The following ABCD2 variants were observed in gnomAD, a reference collection of about 807,000 sequenced individuals.
ABCD2 encodes ATP binding cassette subfamily D member 2.
ABCD2 carries 36 observed loss-of-function variants against 70.9 expected under a neutral mutation model. That is an observed-to-expected ratio of 0.51 (90% CI 0.39 to 0.67). The LOEUF is 0.67. Among genes scored for constraint, ABCD2 ranks in the 30% least tolerant of loss-of-function variants. The pLI is 0.00. For missense variants in ABCD2, 729 were observed against 890.2 expected (o/e 0.82, Z 2.30); for synonymous variants, 304 against 306.9 (o/e 0.99, Z 0.10).
At chr12:39,609,736 T>C (rs1208912535) in intron 2 of ABCD2, among the ~76,000 whole-genome samples, 1 of 152,238 alleles carries the variant, frequency 6.6e-6, no homozygotes, top group African/African-American at 2.4e-5. Context: ...ATATATACTT[T>C]ATGCCTTGCT....
intron 7 of ABCD2, among the ~76,000 whole-genome samples, chr12:39,581,038 T>C (rs1941589198): frequency 6.6e-6 from 1 of 152,126 alleles, no homozygotes; most frequent in Non-Finnish European, 1.5e-5. Context: ...CTGTTAAACA[T>C]AAAATGCATC....
downstream of ABCD2, among the ~76,000 whole-genome samples, chr12:39,548,029 A>G (rs1166665754): frequency 1.3e-5 from 2 of 152,134 alleles, no homozygotes; most frequent in Non-Finnish European, 2.9e-5. Context: ...ATATGCATCC[A>G]GTAGAAACTG....
At chr12:39,555,813 C>T (rs1941156800) in intron 9 of ABCD2, among the ~76,000 whole-genome samples, 1 of 152,148 alleles carries the variant, frequency 6.6e-6, no homozygotes, top group Non-Finnish European at 1.5e-5. Context: ...CACGAACCAA[C>T]AAACTATAGA....
chr12:39,609,755 C>T (rs1566586462), intron 2 of ABCD2, among the ~76,000 whole-genome samples: 1 of 152,082 alleles, frequency 6.6e-6, no homozygotes, highest in Non-Finnish European at 1.5e-5. Flanking sequence ...CTGTAATTAC[C>T]AGATATTTTT....
At chr12:39,561,317 T>C (rs1473809190) in intron 9 of ABCD2, among the ~76,000 whole-genome samples, 1 of 147,720 alleles carries the variant, frequency 6.8e-6, no homozygotes, top group Non-Finnish European at 1.5e-5. Context: ...CACTTGAACC[T>C]GGAAGCAGAG....
chr12:39,538,628 A>T, the ABCD2 span, among the ~76,000 whole-genome samples: 17 of 152,026 alleles, frequency 1.1e-4, no homozygotes, highest in African/African-American at 4.1e-4. Context: ...TAAAACATGA[A>T]GTTAGAGATA....
intron 7 of ABCD2, among the ~76,000 whole-genome samples, chr12:39,583,703 T>C (rs1941628146): frequency 6.6e-6 from 1 of 152,146 alleles, no homozygotes. Flanking sequence ...CCTGAGTCTC[T>C]GTTGTTTTCT....
rs546416929 is a variant in ABCD2, at chr12:39,585,265, T to C, written c.1792+887A>G. Among the ~76,000 whole-genome samples, 8 of 152,314 alleles carry C rather than the reference T, an allele frequency of 5.3e-5. No individual in the cohort carries two copies. In the South Asian group the frequency reaches 1.7e-3, roughly 32 times the overall value. On this transcript the variant is annotated intron_variant, in intron 7 of 9. Transcript: ENST00000308666. Reference sequence around the variant, plus strand: ...TTAGCTGTATTCCTAGGTATTTCATTCTTTTTGTGGCAATTGTGAAGGGGA... The same window carrying C: ...TTAGCTGTATTCCTAGGTATTTCATCCTTTTTGTGGCAATTGTGAAGGGGA...
At chr12:39,579,043 A>G (rs1178842134) in intron 8 of ABCD2, among the ~76,000 whole-genome samples, 2 of 152,220 alleles carry the variant, frequency 1.3e-5, no homozygotes, top group Non-Finnish European at 2.9e-5. Flanking sequence ...ATAGAAAAAC[A>G]AATACTTGGA....
intron 8 of ABCD2, among the ~76,000 whole-genome samples, chr12:39,577,935 G>A (rs988249152): frequency 7.2e-5 from 11 of 151,942 alleles, no homozygotes; most frequent in Admixed American, 6.6e-5. Context: ...CTTTTTTTCC[G>A]TAATTAAAGG....
At position 39,576,815 on chromosome 12, in the gene ABCD2, C is replaced by A. The variant is rs1321159521; in HGVS notation, c.1877+2720G>T. ...CAGGGTAACAGAAATGTTTTTTTAT[C>A]TTGATTGGGGTATTGGTTACATAAT... On this transcript the variant is annotated intron_variant, in intron 8 of 9. Transcript: ENST00000308666. Among the ~76,000 whole-genome samples the A allele has an allele frequency of 2.0e-5, 3 of 151,976 alleles. No homozygotes were observed. In the South Asian group the frequency reaches 6.2e-4, roughly 32 times the overall value.
chr12:39,576,914 T>C (rs1197481781), intron 8 of ABCD2, among the ~76,000 whole-genome samples: 3 of 152,110 alleles, frequency 2.0e-5, no homozygotes, highest in Non-Finnish European at 4.4e-5. Flanking sequence ...TTTAGTACAA[T>C]AACAATAAGC....
chr12:39,619,268 T>C lies in ABCD2; in HGVS notation c.348A>G (p.Ser116=). The C allele has an allele frequency of 3.1e-6, 5 of 1,613,772 alleles. No individual in the cohort carries two copies. The highest frequency in any genetic ancestry group is 4.2e-6 in the Non-Finnish European group (5 of 1,179,706). The stretch of plus-strand genomic sequence containing the variant: ...CCACATAGATAGAAAGAAAGGTTCT[T>C]GAGATTAGAGCCACTGAGTGCAGGC... The part of the protein sequence containing the change: ...WLCLHSVALI[S]RTFLSIYVAG... Residue 116 remains serine (S), a synonymous_variant, in exon 1 of 10, where the codon TCA becomes TCG. Transcript: ENST00000308666.
intron 7 of ABCD2, among the ~76,000 whole-genome samples, chr12:39,585,890 G>A (rs371491742): frequency 1.3e-5 from 2 of 151,976 alleles, no homozygotes; most frequent in African/African-American, 4.8e-5. Context: ...TTGTACATTC[G>A]AATATAAAAG....
chr12:39,602,995 A>ATG (rs1941921662), intron 5 of ABCD2, among the ~76,000 whole-genome samples: 1 of 152,184 alleles, frequency 6.6e-6, no homozygotes, highest in Admixed American at 6.5e-5. Flanking sequence ...ATAGGTCTAT[A>ATG]TGTGGAAAAA....
chr12:39,533,033 C>T, the ABCD2 span, among the ~76,000 whole-genome samples: 20 of 151,562 alleles, frequency 1.3e-4, no homozygotes, highest in Middle Eastern at 3.4e-3. Context: ...GGGGTGGTGG[C>T]GGGTGCCTGT....
At position 39,551,737 on chromosome 12, in the gene ABCD2, A is replaced by G. The variant is rs1941090819; in HGVS notation, c.*2175T>C. On this transcript the variant is annotated 3_prime_UTR_variant, in exon 10 of 10. Coordinates refer to ENST00000308666, the MANE Select transcript of ABCD2 (RefSeq NM_005164.4). ...TAATGAGTCTTTTTTGCTTTAGCTC[A>G]TGGGTAAAATATATTAAATACTGAC... 1.3e-5 allele frequency: 2 copies of G among 151,926 alleles called. No homozygotes were observed. The highest frequency in any genetic ancestry group is 4.1e-4 in the South Asian group (2 of 4,830). The allele number at this position is 151,926 out of a possible 1,614,324, so 9.4% of individuals were successfully genotyped here.
chr12:39,577,229 A>C (rs1055593897), intron 8 of ABCD2, among the ~76,000 whole-genome samples: 6 of 152,082 alleles, frequency 3.9e-5, no homozygotes, highest in Non-Finnish European at 7.4e-5. Flanking sequence ...ACTTATATAC[A>C]TTTTCTACTT....
Position 39,619,405 on chromosome 12 carries a change from T to C in ABCD2, c.211A>G (p.Thr71Ala), listed in dbSNP as rs762323562. 6.2e-7 allele frequency: 1 copy of C among 1,614,102 alleles called. No individual in the cohort carries two copies. The highest frequency in any genetic ancestry group is 1.1e-5 in the South Asian group (1 of 91,064). The change falls in exon 1 of 10, where the codon ACC (threonine) becomes GCC (alanine). Residue 71 changes from threonine to alanine, a missense_variant. Transcript: ENST00000308666. ...ENTEILHCTETICEKPSPGVN... is the reference protein window; with the variant it reads ...ENTEILHCTEAICEKPSPGVN... ...CCAGGCGAAGGTTTTTCACAAATGG[T>C]CTCGGTGCAATGCAGTATTTCTGTG...
Sources: gnomAD v4.1 joint callset for allele counts (sites outside exome capture counted in the v4.1 genomes callset) on GRCh38, gnomAD v4.1.1 for gene constraint, MANE v1.5 for transcripts, NCBI Gene and HGNC (gene_info 2026-07-23, HGNC 2026-07-21) for gene names.